PTPRF: variants seen among roughly 807,000 people sequenced by gnomAD.
The protein encoded by PTPRF is receptor-type tyrosine-protein phosphatase F.
Under a neutral mutation model 201.8 loss-of-function variants are expected in PTPRF, and 59 were observed. The ratio of observed to expected loss-of-function variants is 0.29; its 90% CI spans 0.24 to 0.36. PTPRF has a LOEUF of 0.36. Ranked by LOEUF, PTPRF falls within the 10% of genes least tolerant of loss-of-function variation. PTPRF has a pLI of 1.00. For missense variants in PTPRF, 2,132 were observed against 2,690.5 expected, an observed-to-expected ratio of 0.79 and a Z score of 4.59; for synonymous variants, 1,088 against 1,089.7, an observed-to-expected ratio of 1.00 and a Z score of 0.03.
intron 23 of PTPRF, 30 bp from the exon 24 acceptor site, chr1:43,617,410 TACCCC>T (rs1570713259): frequency 6.2e-7 from 1 of 1,613,434 alleles, no homozygotes; most frequent in Non-Finnish European, 8.5e-7. Context: ...CCTTGGCTCT[TACCCC>T]ACCCCACCCG....
At chr1:43,598,167 T>G in intron 12 of PTPRF, 114 bp downstream of exon 12, 1 of 1,174,908 alleles carries the variant, frequency 8.5e-7, no homozygotes, top group African/African-American at 1.6e-5. Context: ...ATCTTTCTGG[T>G]TCAGGTGTAA....
upstream of PTPRF, among the ~76,000 whole-genome samples, chr1:43,527,250 C>T (rs1272853040): frequency 1.3e-5 from 2 of 152,180 alleles, no homozygotes; most frequent in East Asian, 3.9e-4. Flanking sequence ...CACAGATGAG[C>T]ACAAGGACAT....
Position 43,605,006 on chromosome 1 carries a change from T to C in PTPRF, c.3135+6T>C. On this transcript the variant is annotated splice_donor_region_variant and intron_variant, in intron 17 of 33. Transcript: ENST00000359947. ...AGTCAGCTGTGCCCTTTAAGGTGAG[T>C]AAGGGCCACGGCCAGCTGAGCCTGG... is the stretch of plus-strand genomic sequence containing the variant. 1.2e-6 allele frequency: 2 copies of C among 1,612,376 alleles called. No homozygotes were observed. The highest frequency in any genetic ancestry group is 1.7e-6 in the Non-Finnish European group (2 of 1,178,766).
chr1:43,532,170 C>T (rs938314879), intron 1 of PTPRF, among the ~76,000 whole-genome samples: 1 of 152,280 alleles, frequency 6.6e-6, no homozygotes. Flanking sequence ...TCTCTGCACT[C>T]TCTGTGCTAG....
At chr1:43,606,745 G>A (rs1382846621) in intron 20 of PTPRF, 69 bp from the exon 21 acceptor site, 2 of 1,573,168 alleles carry the variant, frequency 1.3e-6, no homozygotes, top group Non-Finnish European at 1.7e-6. Context: ...CTTTCTCCAG[G>A]ATTAATAGGC....
At chr1:43,524,370 A>C (rs1368713511), upstream of PTPRF, among the ~76,000 whole-genome samples, 2 of 152,114 alleles carry the variant, frequency 1.3e-5, no homozygotes, top group Non-Finnish European at 2.9e-5. Flanking sequence ...AATGTGAAAG[A>C]AAGAAAAGGC....
intron 11 of PTPRF, 33 bp downstream of exon 11, chr1:43,592,634 C>T: frequency 1.3e-6 from 2 of 1,548,542 alleles, no homozygotes; most frequent in Admixed American, 1.8e-5. Context: ...GCCTGTTACA[C>T]CTGGGCTGGG....
At chr1:43,524,930 A>C (rs1643053783), upstream of PTPRF, among the ~76,000 whole-genome samples, 1 of 152,234 alleles carries the variant, frequency 6.6e-6, no homozygotes, top group East Asian at 1.9e-4. Flanking sequence ...AGAACTGCGC[A>C]GAGGGCCCCT....
intron 23 of PTPRF, among the ~76,000 whole-genome samples, chr1:43,615,668 G>A (rs1339362452): frequency 3.5e-5 from 5 of 143,726 alleles, no homozygotes; most frequent in Non-Finnish European, 7.5e-5. Context: ...CTGGGTTCAC[G>A]CCATTCTCCT....
rs192134411 is a variant in PTPRF, at chr1:43,552,992, G to A, written c.92-500G>A. On this transcript the variant is annotated intron_variant, in intron 3 of 33. Coordinates refer to ENST00000359947, the MANE Select transcript of PTPRF (RefSeq NM_002840.5). ...TGGTATGTGGGGGCTGGGAGAGAGG[G>A]AGGAGTCTCGGTTCCTGGCCGGAGC... 2.6e-5 allele frequency among the ~76,000 whole-genome samples: 4 copies of A among 152,304 alleles called. No homozygotes were observed. The East Asian group carries it at 7.7e-4, about 29-fold the overall frequency.
At chr1:43,552,153 C>T (rs766912951) in intron 3 of PTPRF, among the ~76,000 whole-genome samples, 1 of 152,132 alleles carries the variant, frequency 6.6e-6, no homozygotes, top group Non-Finnish European at 1.5e-5. Flanking sequence ...CCGCCTCATC[C>T]TTTCCAGCTG....
At chr1:43,583,256 G>A (rs1648218950) in intron 7 of PTPRF, among the ~76,000 whole-genome samples, 1 of 152,186 alleles carries the variant, frequency 6.6e-6, no homozygotes, top group Admixed American at 6.5e-5. Context: ...CCAGGGATGG[G>A]TGGGCAGACC....
intron 2 of PTPRF, among the ~76,000 whole-genome samples, chr1:43,540,517 G>A (rs566322930): frequency 2.0e-5 from 3 of 152,310 alleles, no homozygotes; most frequent in South Asian, 4.1e-4. Context: ...GGGGCCTGGA[G>A]GCTTAGGGGT....
At chr1:43,528,848 T>A (rs1487259848), upstream of PTPRF, 1 of 152,238 alleles carries the variant, frequency 6.6e-6, no homozygotes, top group Non-Finnish European at 1.5e-5. Context: ...GATAGAGACT[T>A]GGAAGTCATC....
intron 25 of PTPRF, 133 bp downstream of exon 25, chr1:43,618,044 G>C: frequency 1.0e-6 from 1 of 965,612 alleles, no homozygotes; most frequent in African/African-American, 1.7e-5. Context: ...TATTGTTACT[G>C]GGGGTATTAT....
intron 19 of PTPRF, 103 bp from the exon 20 acceptor site, chr1:43,606,137 G>A (rs1655039346): frequency 7.7e-7 from 1 of 1,304,154 alleles, no homozygotes; most frequent in Admixed American, 2.4e-5. Flanking sequence ...CACGGAAGGT[G>A]AGCCTTGATC....
chr1:43,598,749 G>C lies in PTPRF; in HGVS notation c.2149G>C (p.Val717Leu). 2.5e-6 allele frequency: 4 copies of C among 1,614,004 alleles called. No individual in the cohort carries two copies. The highest frequency in any genetic ancestry group is 3.4e-6 in the Non-Finnish European group (4 of 1,179,880). Residue 717 changes from valine to leucine, a missense_variant, in exon 13 of 34, where the codon GTG (valine) becomes CTG (leucine). By Grantham distance (32) the Val-to-Leu change is conservative (BLOSUM62 1). This residue lies in a region of PTPRF where 125 missense variants were observed against 211.9 expected (regional missense o/e 0.59). Transcript: ENST00000359947. ...CAGCGGGCCTCCGCGGAAGGTGGAGGTGGAGCCACTGAACTCCACTGCTGT... is the reference window on the plus strand; with the variant it reads ...CAGCGGGCCTCCGCGGAAGGTGGAGCTGGAGCCACTGAACTCCACTGCTGT... Reference protein sequence around the residue: ...VPSGPPRKVEVEPLNSTAVHV... With the variant: ...VPSGPPRKVELEPLNSTAVHV...
intron 13 of PTPRF, 49 bp downstream of exon 13, chr1:43,598,962 T>C: frequency 1.3e-6 from 2 of 1,573,034 alleles, no homozygotes; most frequent in Non-Finnish European, 8.7e-7. Context: ...CAGACCAGCA[T>C]GCACAAGCTC....
chr1:43,619,166 A>T lies in PTPRF; in HGVS notation c.4610A>T (p.Asn1537Ile). ...TTCCTACGACGGGTCAAGGCCTGCA[A>T]CCCCCTAGACGCAGGGCCCATGGTG... Reference protein sequence around the residue: ...LAFLRRVKACNPLDAGPMVVH... With the variant: ...LAFLRRVKACIPLDAGPMVVH... Residue 1537 changes from asparagine (N) to isoleucine (I), a missense_variant, in exon 27 of 34, where the codon AAC (asparagine) becomes ATC (isoleucine). Physicochemically the swap from Asn to Ile is moderately radical, Grantham distance 149. Around this residue, in one of 6 missense-constraint regions of PTPRF, gnomAD observed 519 missense variants for 659.5 expected, o/e 0.79. Coordinates refer to ENST00000359947, the MANE Select transcript of PTPRF (RefSeq NM_002840.5). The T allele has an allele frequency of 7.3e-7, 1 of 1,376,018 alleles. No individual in the cohort carries two copies. Among genetic ancestry groups the T allele is most frequent in the Non-Finnish European group, 9.6e-7 (1 of 1,038,194 alleles). 85.2% of individuals were successfully genotyped at this position (1,376,018 alleles called of 1,614,324 possible). A position where few individuals can be genotyped will look rare whatever the true frequency, so the allele number is the denominator to read the frequency against.
Sources: allele counts gnomAD v4.1 joint callset (sites outside exome capture counted in the v4.1 genomes callset), GRCh38; gene constraint gnomAD v4.1.1; regional missense constraint gnomAD v4.1.1; transcripts MANE v1.5; gene names NCBI Gene and HGNC (gene_info 2026-07-23, HGNC 2026-07-21).